Variants in NT5DC3 observed in about 807,000 individuals in gnomAD.
The protein encoded by NT5DC3 is 5'-nucleotidase domain-containing protein 3.
NT5DC3 carries 42 observed loss-of-function variants against 67.8 expected under a neutral mutation model. That is an observed-to-expected ratio of 0.62 (90% confidence interval 0.48 to 0.80). NT5DC3 has a LOEUF of 0.80. Ranked by LOEUF, NT5DC3 falls within the 30% of genes least tolerant of loss-of-function variation. NT5DC3 has a pLI of 0.00. For missense variants in NT5DC3, 570 were observed against 696.4 expected (o/e 0.82, Z 2.04); for synonymous variants, 237 against 255.6 (o/e 0.93, Z 0.69).
chr12:103,749,981 G>C, the NT5DC3 span, among the ~76,000 whole-genome samples: 1 of 151,958 alleles, frequency 6.6e-6, no homozygotes, highest in Non-Finnish European at 1.5e-5. Context: ...CTTACCTCCT[G>C]GACTGACAAG....
At chr12:103,838,110 A>G (rs1483184895) in intron 1 of NT5DC3, among the ~76,000 whole-genome samples, 1 of 152,190 alleles carries the variant, frequency 6.6e-6, no homozygotes, top group African/African-American at 2.4e-5. Flanking sequence ...AAGAAGCAAA[A>G]GCGGAAACCC....
At chr12:103,757,016 T>A in the NT5DC3 span, among the ~76,000 whole-genome samples, 28,177 of 135,188 alleles carry the variant, frequency 0.21, 3,270 homozygotes, top group South Asian at 0.34. Flanking sequence ...TATATATATA[T>A]ATATATATAT....
At chr12:103,825,023 AAC>A (rs1172523163) in intron 1 of NT5DC3, among the ~76,000 whole-genome samples, 1 of 152,234 alleles carries the variant, frequency 6.6e-6, no homozygotes, top group African/African-American at 2.4e-5. Context: ...GGGGAAGACC[AAC>A]AAACATCACA....
Position 103,836,354 on chromosome 12 carries a change from T to C in NT5DC3, c.208+4595A>G, listed in dbSNP as rs1056073072. Among the ~76,000 whole-genome samples, 14 of 152,314 alleles carry C rather than the reference T, an allele frequency of 9.2e-5. 1 individual carries two copies. The highest frequency in any genetic ancestry group is 2.0e-4 in the Admixed American group (3 of 15,302). On this transcript the variant is annotated intron_variant, in intron 1 of 13. Coordinates refer to ENST00000392876, the MANE Select transcript of NT5DC3 (RefSeq NM_001031701.3). ...CCTGTAAAATCAAAAGCAAGCTAGTTACTTCCCAGATACAATGGCGGTACG... is the reference window on the plus strand; with the variant it reads ...CCTGTAAAATCAAAAGCAAGCTAGTCACTTCCCAGATACAATGGCGGTACG...
intron 2 of NT5DC3, among the ~76,000 whole-genome samples, chr12:103,811,829 C>T (rs760421056): frequency 3.0e-4 from 45 of 152,108 alleles, no homozygotes; most frequent in Non-Finnish European, 5.9e-4. Context: ...TGCAACCTTT[C>T]CGTAAGCCTA....
intron 2 of NT5DC3, among the ~76,000 whole-genome samples, chr12:103,808,280 G>A (rs1198863480): frequency 6.6e-6 from 1 of 152,162 alleles, no homozygotes; most frequent in Non-Finnish European, 1.5e-5. Context: ...ATCAGGCTGG[G>A]GCCTTCTCCC....
rs550066321 is a variant in NT5DC3, at chr12:103,837,361, T to A, written c.208+3588A>T. Among the ~76,000 whole-genome samples the A allele has an allele frequency of 2.4e-4, 36 of 152,358 alleles. No individual in the cohort carries two copies. In the South Asian group the frequency reaches 7.5e-3, roughly 32 times the overall value. The stretch of plus-strand genomic sequence containing the variant: ...ACATGGCCTAGAGACATTTTCCCCA[T>A]GGTCTTGGGAATTAACATTAGGCTC... On this transcript the variant is annotated intron_variant, in intron 1 of 13. Coordinates refer to ENST00000392876, the MANE Select transcript of NT5DC3 (RefSeq NM_001031701.3).
chr12:103,803,141 C>T (rs1886655103), intron 4 of NT5DC3, among the ~76,000 whole-genome samples: 1 of 152,152 alleles, frequency 6.6e-6, no homozygotes, highest in South Asian at 2.1e-4. Context: ...CTTCTTCGTT[C>T]TCTCCCCCAC....
chr12:103,839,522 G>GTGAGCTCACACCTGGCCC (rs1299531446), intron 1 of NT5DC3, among the ~76,000 whole-genome samples: 1 of 152,132 alleles, frequency 6.6e-6, no homozygotes, highest in African/African-American at 2.4e-5. Flanking sequence ...GATTACAGGC[G>GTGAGCTCACACCTGGCCC]TGAGCTCACA....
chr12:103,749,784 G>A, the NT5DC3 span, among the ~76,000 whole-genome samples: 1 of 136,306 alleles, frequency 7.3e-6, no homozygotes, highest in South Asian at 2.5e-4. Context: ...AGCTTGCAGT[G>A]AGCCGAGATC....
intron 1 of NT5DC3, among the ~76,000 whole-genome samples, chr12:103,819,945 G>C (rs1265287398): frequency 6.6e-6 from 1 of 152,104 alleles, no homozygotes; most frequent in South Asian, 2.1e-4. Flanking sequence ...ATTCACCCCA[G>C]CTTTCCCAGC....
intron 2 of NT5DC3, among the ~76,000 whole-genome samples, chr12:103,812,795 G>A (rs1212880686): frequency 6.6e-6 from 1 of 152,186 alleles, no homozygotes; most frequent in Non-Finnish European, 1.5e-5. Flanking sequence ...GACAACATGT[G>A]TGTGCAGGGT....
chr12:103,832,070 C>T (rs762224323), intron 1 of NT5DC3, among the ~76,000 whole-genome samples: 18 of 152,248 alleles, frequency 1.2e-4, no homozygotes, highest in Middle Eastern at 3.4e-3. Flanking sequence ...AGCCACCACG[C>T]CTGGCCTCGG....
chr12:103,787,642 A>T lies in NT5DC3; in HGVS notation c.1102-115T>A, dbSNP rs4964823. 131,528 of 518,962 alleles carry T rather than the reference A, an allele frequency of 0.25. 18,466 individuals are homozygous for T. Among genetic ancestry groups the T allele is most frequent in the South Asian group, 0.43 (8,391 of 19,374 alleles). 32.1% of individuals were successfully genotyped at this position (518,962 alleles called of 1,614,324 possible). ...GTTTTTATAACTTATTTTAAATATCAAAATATAAAGATAAAAGCACCTTCA... is the reference window on the plus strand; with the variant it reads ...GTTTTTATAACTTATTTTAAATATCTAAATATAAAGATAAAAGCACCTTCA... On this transcript the variant is annotated intron_variant, in intron 10 of 13. Transcript: ENST00000392876.
chr12:103,762,156 G>A, the NT5DC3 span: 1 of 1,406,754 alleles, frequency 7.1e-7, no homozygotes, highest in Non-Finnish European at 9.7e-7. Flanking sequence ...CCAGATACAT[G>A]TTAACATGTC....
In NT5DC3 at chr12:103,830,587, T is replaced by C. The variant is rs549819809; in HGVS notation, c.208+10362A>G. Among the ~76,000 whole-genome samples, 3 of 152,368 alleles carry C rather than the reference T, an allele frequency of 2.0e-5. No homozygotes were observed. In the East Asian group the frequency reaches 5.8e-4, roughly 29 times the overall value. ...CTCTTTGATTATATTATAGTCTGGG[T>C]AATGTTCTCAGAGTTATCCCCCAGA... On this transcript the variant is annotated intron_variant, in intron 1 of 13. Transcript: ENST00000392876.
Position 103,775,347 on chromosome 12 carries a change from G to A in NT5DC3, c.*2482C>T, listed in dbSNP as rs12816799. 1 of 152,114 alleles carries A rather than the reference G, an allele frequency of 6.6e-6. No homozygotes were observed. The highest frequency in any genetic ancestry group is 6.5e-5 in the Admixed American group (1 of 15,274). The allele number at this position is 152,114 out of a possible 1,614,324, so 9.4% of individuals were successfully genotyped here. ...TCCTTCAAAGCTTAGGTCACCTAACGTGAACACTCATGGAAACAGGTTTTA... is the reference window on the plus strand; with the variant it reads ...TCCTTCAAAGCTTAGGTCACCTAACATGAACACTCATGGAAACAGGTTTTA... On this transcript the variant is annotated 3_prime_UTR_variant, in exon 14 of 14. Transcript: ENST00000392876.
Position 103,775,387 on chromosome 12 carries a change from T to C in NT5DC3, c.*2442A>G, listed in dbSNP as rs1885309803. On this transcript the variant is annotated 3_prime_UTR_variant, in exon 14 of 14. Transcript: ENST00000392876. ...AACAGGTTTTAAAAATAGTTCTACTTCATTCTTGAGTAAACAAAACACCCT... is the reference window on the plus strand; with the variant it reads ...AACAGGTTTTAAAAATAGTTCTACTCCATTCTTGAGTAAACAAAACACCCT... 1 of 152,262 alleles carries C rather than the reference T, an allele frequency of 6.6e-6. No homozygotes were observed. Among genetic ancestry groups the C allele is most frequent in the African/African-American group, 2.4e-5 (1 of 41,464 alleles). The allele number at this position is 152,262 out of a possible 1,614,324, so 9.4% of individuals were successfully genotyped here. A position where few individuals can be genotyped will look rare whatever the true frequency, so the allele number is the denominator to read the frequency against.
chr12:103,791,067 G>A (rs1886035659), intron 9 of NT5DC3, among the ~76,000 whole-genome samples: 1 of 152,026 alleles, frequency 6.6e-6, no homozygotes, highest in Non-Finnish European at 1.5e-5. Flanking sequence ...CCTACTGTAG[G>A]GCTGTTAGGT....
Sources: gnomAD v4.1 joint callset for allele counts (sites outside exome capture counted in the v4.1 genomes callset) on GRCh38, gnomAD v4.1.1 for gene constraint, MANE v1.5 for transcripts, NCBI Gene and HGNC (gene_info 2026-07-23, HGNC 2026-07-21) for gene names.